UMODL1: variants seen among roughly 807,000 people sequenced by gnomAD.
UMODL1 encodes the protein uromodulin-like 1.
A neutral mutation model predicts 136.3 loss-of-function variants in UMODL1; 128 were observed. The observed-to-expected ratio is 0.94, with a 90% confidence interval of 0.81 to 1.09. The LOEUF (loss-of-function observed/expected upper bound fraction) is 1.09, where lower values mean the gene tolerates loss of function less well. Among genes scored for constraint, UMODL1 ranks in the 50% least tolerant of loss-of-function variants. The pLI is 0.00. For missense variants in UMODL1, 1,766 were observed against 1,725.6 expected, an observed-to-expected ratio of 1.02 and a Z score of -0.41; for synonymous variants, 721 against 720.0, an observed-to-expected ratio of 1.00 and a Z score of -0.02.
chr21:42,141,670 TC>T (rs2067283766), intron 22 of UMODL1, among the ~76,000 whole-genome samples: 1 of 152,170 alleles, frequency 6.6e-6, no homozygotes, highest in South Asian at 2.1e-4. Flanking sequence ...GTTCTAAAGT[TC>T]CTGCAGACAT....
intron 21 of UMODL1, among the ~76,000 whole-genome samples, chr21:42,133,150 G>A (rs1169503588): frequency 6.6e-6 from 1 of 152,172 alleles, no homozygotes. Flanking sequence ...TCTCCCAGTT[G>A]GTGGGGACTT....
rs1427407826 is a variant in UMODL1, at chr21:42,112,287, CCTCCCCAGCTGTTCTGTAT to C, written c.2104+589_2104+607del. Among the ~76,000 whole-genome samples the C allele has an allele frequency of 2.3e-3, 342 of 151,128 alleles. 1 individual carries two copies. The highest frequency in any genetic ancestry group is 9.1e-3 in the East Asian group (47 of 5,166). On this transcript the variant is annotated intron_variant, in intron 12 of 22. Coordinates refer to ENST00000408910, the MANE Select transcript of UMODL1 (RefSeq NM_001004416.3). ...CTTCTGTACTCCCAGCTGTTCTGCACCTCCCCAGCTGTTCTGTATCTCCCCAGCTGCTCTGTATCTGCCT... is the reference window on the plus strand; with the variant it reads ...CTTCTGTACTCCCAGCTGTTCTGCACCTCCCCAGCTGCTCTGTATCTGCCT...
At chr21:42,140,745 C>T (rs1479399241) in intron 22 of UMODL1, among the ~76,000 whole-genome samples, 1 of 152,196 alleles carries the variant, frequency 6.6e-6, no homozygotes, top group African/African-American at 2.4e-5. Context: ...ACCCCTGAGC[C>T]TCCCCGGGAG....
At chr21:42,080,837 T>C (rs1478989209) in intron 2 of UMODL1, among the ~76,000 whole-genome samples, 1 of 152,266 alleles carries the variant, frequency 6.6e-6, no homozygotes, top group East Asian at 1.9e-4. Context: ...GCAGCTTTCA[T>C]GCCTGTGAAC....
At chr21:42,130,809 CT>C (rs776779498) in intron 21 of UMODL1, among the ~76,000 whole-genome samples, 257 of 139,544 alleles carry the variant, frequency 1.8e-3, no homozygotes, top group South Asian at 3.7e-3. Context: ...CTGACCTCCA[CT>C]TTTTTTTTTT....
chr21:42,073,364 G>A, intron 1 of UMODL1, among the ~76,000 whole-genome samples: 1 of 152,182 alleles, frequency 6.6e-6, no homozygotes, highest in East Asian at 1.9e-4. Flanking sequence ...AAGCTGATTT[G>A]TCCTGTTCCA....
chr21:42,114,481 C>G (rs1434857976), intron 13 of UMODL1, among the ~76,000 whole-genome samples: 1 of 152,232 alleles, frequency 6.6e-6, no homozygotes, highest in South Asian at 2.1e-4. Context: ...CCATGGGCAG[C>G]TTCCCAAGCG....
chr21:42,102,331 A>C lies in UMODL1; in HGVS notation c.1299+53A>C, dbSNP rs909396947. The C allele has an allele frequency of 3.8e-6, 5 of 1,317,308 alleles. No individual in the cohort carries two copies. In the Admixed American group the frequency reaches 9.6e-5, roughly 25 times the overall value. The allele number at this position is 1,317,308 out of a possible 1,614,324, so 81.6% of individuals were successfully genotyped here. A position where few individuals can be genotyped will look rare whatever the true frequency, so the allele number is the denominator to read the frequency against. ...TTTCTTGGGTGTTCTGAGTGAGGAC[A>C]TCAAACACAAGCCGTTAATTCCTGC... On this transcript the variant is annotated intron_variant, in intron 8 of 22. Coordinates refer to ENST00000408910, the MANE Select transcript of UMODL1 (RefSeq NM_001004416.3).
chr21:42,128,972 T>C (rs1057473319), intron 20 of UMODL1, among the ~76,000 whole-genome samples: 1 of 152,112 alleles, frequency 6.6e-6, no homozygotes, highest in African/African-American at 2.4e-5. Flanking sequence ...GCTGGTTCCC[T>C]CTGAGAGTTC....
At position 42,102,206 on chromosome 21, in the gene UMODL1, CA is replaced by C; in HGVS notation, c.1229del (p.Asn410ThrfsTer2). The C allele has an allele frequency of 6.2e-7, 1 of 1,613,852 alleles. No homozygotes were observed. Among genetic ancestry groups the C allele is most frequent in the Admixed American group, 1.7e-5 (1 of 60,014 alleles). On this transcript the variant is annotated frameshift_variant, in exon 8 of 23. Coordinates refer to ENST00000408910, the MANE Select transcript of UMODL1 (RefSeq NM_001004416.3). LOFTEE classifies it high-confidence loss of function. Reference protein sequence around the residue: ...FEVTIKIVNHNLTEKLLNRSS... With the variant: ...FEVTIKIVNHXLTEKLLNRSS... ...AAGTCACAATAAAGATTGTAAACCA[CA>C]ACCTGACGGAGAAGTTACTCAACCG...
chr21:42,088,458 A>T lies in UMODL1; in HGVS notation c.768A>T (p.Glu256Asp). Residue 256 changes from glutamate (E) to aspartate (D), a missense_variant, in exon 5 of 23, where the codon GAA (glutamate) becomes GAT (aspartate). Transcript: ENST00000408910. The stretch of plus-strand genomic sequence containing the variant: ...GTGACATTGCGAAGCGTGTCTATGA[A>T]GTGATCAGCGTCCAGGTGCAAGGTT... ...LLGDIAKRVY[E>D]VISVQVQDVN... The T allele has an allele frequency of 3.1e-6, 5 of 1,605,890 alleles. No individual in the cohort carries two copies. Among genetic ancestry groups the T allele is most frequent in the Non-Finnish European group, 4.3e-6 (5 of 1,173,082 alleles).
chr21:42,133,888 T>TTTTGTTTTGTTTTG (rs1555934295), intron 21 of UMODL1, among the ~76,000 whole-genome samples: 6 of 150,620 alleles, frequency 4.0e-5, no homozygotes, highest in Non-Finnish European at 8.9e-5. Flanking sequence ...ATATATCTGT[T>TTTTGTTTTGTTTTG]TTTTGTTTTG....
At chr21:42,101,872 A>G (rs1453254425) in intron 7 of UMODL1, 2 of 393,176 alleles carry the variant, frequency 5.1e-6, no homozygotes, top group Admixed American at 6.8e-5. Flanking sequence ...GGCAGCAGCC[A>G]CCCCACGGGA....
intron 1 of UMODL1, among the ~76,000 whole-genome samples, chr21:42,072,943 G>A (rs913512989): frequency 3.3e-5 from 5 of 152,214 alleles, no homozygotes; most frequent in African/African-American, 4.8e-5. Context: ...GGGATGGCAC[G>A]TGACCTCGGA....
chr21:42,142,489 G>A lies in UMODL1; in HGVS notation c.*415G>A, dbSNP rs891843989. ...CCTCCTGGGCTTGCCCTCCCTTGGC[G>A]TCCGTCACCCTTTGGCAAATATAGA... On this transcript the variant is annotated 3_prime_UTR_variant, in exon 23 of 23. Transcript: ENST00000408910. 3 of 152,228 alleles carry A rather than the reference G, an allele frequency of 2.0e-5. No individual in the cohort carries two copies. Among genetic ancestry groups the A allele is most frequent in the South Asian group, 2.1e-4 (1 of 4,834 alleles). The allele number at this position is 152,228 out of a possible 1,614,324, so 9.4% of individuals were successfully genotyped here. A position where few individuals can be genotyped will look rare whatever the true frequency, so the allele number is the denominator to read the frequency against.
rs1349823158 is a variant in UMODL1, at chr21:42,113,745, G to A, written c.2277G>A (p.Leu759=). 12 of 1,613,994 alleles carry A rather than the reference G, an allele frequency of 7.4e-6. No individual in the cohort carries two copies. The highest frequency in any genetic ancestry group is 1.6e-4 in the Middle Eastern group (1 of 6,084). ...ACACGAGTGTGACACTGTCGGGGCT[G>A]GAGCCTGGGGTCTTGCACCTGGTTG... ...TWNTSVTLSG[L]EPGVLHLVEI... is the part of the protein sequence containing the mutation. The change falls in exon 13 of 23, where the codon CTG becomes CTA. Residue 759 remains leucine (L), a synonymous_variant. Coordinates refer to ENST00000408910, the MANE Select transcript of UMODL1 (RefSeq NM_001004416.3).
intron 13 of UMODL1, among the ~76,000 whole-genome samples, chr21:42,115,245 C>T (rs773931821): frequency 4.6e-5 from 7 of 152,138 alleles, no homozygotes; most frequent in African/African-American, 1.2e-4. Context: ...GATGGGATGG[C>T]GACATTCCTG....
At chr21:42,088,526 G>T (rs1397483295) in intron 5 of UMODL1, 46 bp downstream of exon 5, 1 of 1,530,552 alleles carries the variant, frequency 6.5e-7, no homozygotes, top group Non-Finnish European at 8.8e-7. Context: ...GCAGGGTGGT[G>T]CCTGAACAGC....
chr21:42,139,509 T>G (rs2067250854), intron 22 of UMODL1, among the ~76,000 whole-genome samples: 1 of 152,212 alleles, frequency 6.6e-6, no homozygotes, highest in Middle Eastern at 3.4e-3. Flanking sequence ...GGGGATCACA[T>G]TGAACATGAA....
Sources: gnomAD v4.1 joint callset for allele counts (sites outside exome capture counted in the v4.1 genomes callset) on GRCh38, gnomAD v4.1.1 for gene constraint, MANE v1.5 for transcripts, NCBI Gene and HGNC (gene_info 2026-07-23, HGNC 2026-07-21) for gene names.